The following ARHGAP5 variants were observed in gnomAD, a reference collection of about 807,000 sequenced individuals.
ARHGAP5 encodes Rho GTPase activating protein 5, also known as rho GTPase-activating protein 5.
A neutral mutation model predicts 116.6 loss-of-function variants in ARHGAP5; 23 were observed. The ratio of observed to expected loss-of-function variants is 0.20; its 90% CI spans 0.14 to 0.28. ARHGAP5 has a LOEUF of 0.28. Among genes scored for constraint, ARHGAP5 ranks in the 10% least tolerant of loss-of-function variants. The probability of loss-of-function intolerance (pLI) is 1.00; values close to 1 mark genes in which losing one functional copy is unlikely to be tolerated. For synonymous variants in ARHGAP5, 574 were observed against 602.0 expected (o/e 0.95, Z 0.68); for missense variants, 1,405 against 1,774.8 (o/e 0.79, Z 3.74).
At chr14:32,124,890 G>A (rs1029002733) in intron 3 of ARHGAP5, among the ~76,000 whole-genome samples, 1 of 152,170 alleles carries the variant, frequency 6.6e-6, no homozygotes, top group Non-Finnish European at 1.5e-5. Flanking sequence ...AAAGTTCACA[G>A]TGCAAACAGG....
At chr14:32,077,788 G>T (rs1315204554) in intron 1 of ARHGAP5, among the ~76,000 whole-genome samples, 3 of 152,138 alleles carry the variant, frequency 2.0e-5, no homozygotes, top group Non-Finnish European at 4.4e-5. Flanking sequence ...TCGAGTCTCG[G>T]GTGGTCCGTC....
chr14:32,085,685 A>C (rs1411358794), intron 1 of ARHGAP5, among the ~76,000 whole-genome samples: 1 of 152,174 alleles, frequency 6.6e-6, no homozygotes. Flanking sequence ...TATTTGATTT[A>C]AAGAAGATAG....
chr14:32,122,126 C>T (rs971696737), intron 3 of ARHGAP5, among the ~76,000 whole-genome samples: 1 of 152,186 alleles, frequency 6.6e-6, no homozygotes, highest in African/African-American at 2.4e-5. Flanking sequence ...AGAGGTGGCA[C>T]CACTTGACAT....
chr14:32,118,443 G>A (rs373428298), intron 3 of ARHGAP5, among the ~76,000 whole-genome samples: 9 of 151,920 alleles, frequency 5.9e-5, no homozygotes, highest in African/African-American at 2.2e-4. Flanking sequence ...GTTGCAGTGA[G>A]CCGAGATCAT....
At chr14:32,130,966 A>G (rs551401633) in intron 3 of ARHGAP5, among the ~76,000 whole-genome samples, 2 of 152,198 alleles carry the variant, frequency 1.3e-5, no homozygotes, top group Non-Finnish European at 1.5e-5. Flanking sequence ...GCTTTTTGGG[A>G]GGCTGGTGGG....
chr14:32,096,875 T>C (rs928204358), intron 2 of ARHGAP5, among the ~76,000 whole-genome samples: 4 of 152,230 alleles, frequency 2.6e-5, no homozygotes, highest in African/African-American at 7.2e-5. Context: ...ATTTTACTTA[T>C]GAGTATACGT....
intron 3 of ARHGAP5, among the ~76,000 whole-genome samples, chr14:32,129,006 T>C (rs1262459712): frequency 3.3e-5 from 5 of 152,318 alleles, no homozygotes; most frequent in African/African-American, 1.2e-4. Flanking sequence ...TTTCTAAATT[T>C]TTTTCTGCAT....
chr14:32,099,045 G>T (rs553878211), intron 2 of ARHGAP5, among the ~76,000 whole-genome samples: 4 of 152,278 alleles, frequency 2.6e-5, no homozygotes, highest in Non-Finnish European at 5.9e-5. Context: ...TTGGGAGGGA[G>T]AGTGTTGGCG....
At chr14:32,103,988 T>C (rs1878901334) in intron 2 of ARHGAP5, among the ~76,000 whole-genome samples, 1 of 152,232 alleles carries the variant, frequency 6.6e-6, no homozygotes, top group South Asian at 2.1e-4. Context: ...TTTTGAACTT[T>C]TTGGAAATTG....
chr14:32,159,357 A>G lies in ARHGAP5; in HGVS notation c.*4409A>G, dbSNP rs529892708. 3.3e-5 allele frequency: 5 copies of G among 152,306 alleles called. No homozygotes were observed. Among genetic ancestry groups the G allele is most frequent in the African/African-American group, 1.2e-4 (5 of 41,580 alleles). The allele number at this position is 152,306 out of a possible 1,614,324, so 9.4% of individuals were successfully genotyped here. A position where few individuals can be genotyped will look rare whatever the true frequency, so the allele number is the denominator to read the frequency against. ...ATAGTAAGTTATTGTGAACAATTTA[A>G]TAACGGCCCTCCTGTTCTAGTTTGC... On this transcript the variant is annotated 3_prime_UTR_variant, in exon 7 of 7. Transcript: ENST00000345122.
intron 6 of ARHGAP5, 29 bp from the exon 7 acceptor site, chr14:32,154,592 C>T: frequency 6.6e-7 from 1 of 1,509,386 alleles, no homozygotes; most frequent in Non-Finnish European, 9.0e-7. Context: ...GTTTTGATTT[C>T]TAAATGTTTT....
At position 32,147,602 on chromosome 14, in the gene ARHGAP5, T is replaced by C. The variant is rs1313495620; in HGVS notation, c.3943+1262T>C. ...CACTTCTAGGAATGTGTTACAGAAG[T>C]CTTTGCATAAGCATGCCAAGATATA... On this transcript the variant is annotated intron_variant, in intron 4 of 6. Coordinates refer to ENST00000345122, the MANE Select transcript of ARHGAP5 (RefSeq NM_001030055.2). 3.3e-5 allele frequency among the ~76,000 whole-genome samples: 5 copies of C among 152,190 alleles called. No individual in the cohort carries two copies. The East Asian group carries it at 7.7e-4, about 23-fold the overall frequency.
intron 2 of ARHGAP5, among the ~76,000 whole-genome samples, chr14:32,110,383 C>T (rs1017571554): frequency 7.3e-5 from 11 of 151,296 alleles, no homozygotes; most frequent in Non-Finnish European, 1.0e-4. Flanking sequence ...GGAATTTAAA[C>T]CCCTAAGCTC....
chr14:32,102,345 C>G (rs1878830407), intron 2 of ARHGAP5, among the ~76,000 whole-genome samples: 1 of 152,074 alleles, frequency 6.6e-6, no homozygotes, highest in African/African-American at 2.4e-5. Flanking sequence ...TACAGTCTGT[C>G]CAGGGTAGTA....
chr14:32,120,243 A>T (rs1879815774), intron 3 of ARHGAP5, among the ~76,000 whole-genome samples: 1 of 152,020 alleles, frequency 6.6e-6, no homozygotes, highest in South Asian at 2.1e-4. Flanking sequence ...ATTCCTTATT[A>T]TCCTTTTAGT....
rs1223137593 is a variant in ARHGAP5 at position 32,156,068 on chromosome 14, A to C, written c.*1120A>C. 1 of 152,412 alleles carries C rather than the reference A, an allele frequency of 6.6e-6. No individual in the cohort carries two copies. The highest frequency in any genetic ancestry group is 2.4e-5 in the African/African-American group (1 of 41,400). The allele number at this position is 152,412 out of a possible 1,614,324, so 9.4% of individuals were successfully genotyped here. A position where few individuals can be genotyped will look rare whatever the true frequency, so the allele number is the denominator to read the frequency against. ...ATTTGTATTCATATTCTTTTCTGTG[A>C]TGTGTTGTACTAAAATCCAAAATGG... On this transcript the variant is annotated 3_prime_UTR_variant, in exon 7 of 7. Transcript: ENST00000345122.
intron 3 of ARHGAP5, among the ~76,000 whole-genome samples, chr14:32,141,204 C>T (rs1594390250): frequency 6.6e-6 from 1 of 152,108 alleles, no homozygotes. Flanking sequence ...GTCTTTGGTA[C>T]TGTAGTGATT....
chr14:32,131,788 C>T lies in ARHGAP5; in HGVS notation c.3866-14475C>T, dbSNP rs575970211. ...TGTGATGTTCCCCTTCCTGTGTCCA[C>T]GTGTTCTCATTATTCAGTTCCCACC... is the stretch of plus-strand genomic sequence containing the variant. On this transcript the variant is annotated intron_variant, in intron 3 of 6. Transcript: ENST00000345122. Among the ~76,000 whole-genome samples the T allele has an allele frequency of 1.2e-4, 19 of 152,142 alleles. No individual in the cohort carries two copies. The East Asian group carries it at 2.5e-3, about 20-fold the overall frequency.
rs770785852 is a variant in ARHGAP5, at chr14:32,093,378, A to G, written c.2709A>G (p.Glu903=). The change falls in exon 2 of 7, where the codon GAA becomes GAG. Residue 903 remains glutamate, a synonymous_variant. Coordinates refer to ENST00000345122, the MANE Select transcript of ARHGAP5 (RefSeq NM_001030055.2). Reference sequence around the variant, plus strand: ...AGGCTATCAAAGAGTTAATGACTGAAGGAGAACACATTGCAACTGAGATCA... The same window carrying G: ...AGGCTATCAAAGAGTTAATGACTGAGGGAGAACACATTGCAACTGAGATCA... ...ENEAIKELMT[E]GEHIATEITA... is the part of the protein sequence containing the mutation. 1 of 1,614,066 alleles carries G rather than the reference A, an allele frequency of 6.2e-7. No homozygotes were observed. Among genetic ancestry groups the G allele is most frequent in the South Asian group, 1.1e-5 (1 of 91,070 alleles).
Sources: allele counts gnomAD v4.1 joint callset (sites outside exome capture counted in the v4.1 genomes callset), GRCh38; gene constraint gnomAD v4.1.1; transcripts MANE v1.5; gene names NCBI Gene and HGNC (gene_info 2026-07-23, HGNC 2026-07-21).